Variants in BCL2L13 observed in about 807,000 individuals in gnomAD.
BCL2L13 encodes BCL2 like 13, also known as bcl-2-like protein 13.
A neutral mutation model predicts 25.8 loss-of-function variants in BCL2L13; 13 were observed. The observed-to-expected ratio is 0.50, with a 90% CI of 0.33 to 0.80. The LOEUF (loss-of-function observed/expected upper bound fraction) is 0.80. BCL2L13 is among the 30% of genes least tolerant of loss of function. The probability of loss-of-function intolerance (pLI) is 0.02; values close to 1 mark genes in which losing one functional copy is unlikely to be tolerated. For synonymous variants in BCL2L13, 244 were observed against 230.3 expected, an observed-to-expected ratio of 1.06 and a Z score of -0.54; for missense variants, 504 against 574.9, an observed-to-expected ratio of 0.88 and a Z score of 1.26.
chr22:17,641,990 G>A (rs1420580334), intron 1 of BCL2L13, among the ~76,000 whole-genome samples: 3 of 151,370 alleles, frequency 2.0e-5, no homozygotes, highest in Non-Finnish European at 4.4e-5. Flanking sequence ...TAGTAAAGAC[G>A]GGGTTTCACT....
intron 4 of BCL2L13, 31 bp from the exon 5 acceptor site, chr22:17,696,110 G>A (rs775258647): frequency 1.3e-6 from 2 of 1,567,730 alleles, no homozygotes; most frequent in South Asian, 2.2e-5. Flanking sequence ...TTCCTTCTTT[G>A]TGACACAGAC....
chr22:17,673,716 A>G (rs555832652), intron 2 of BCL2L13, among the ~76,000 whole-genome samples: 3 of 152,182 alleles, frequency 2.0e-5, no homozygotes, highest in South Asian at 2.1e-4. Context: ...TGTCCTCAAA[A>G]TATACTGATA....
chr22:17,704,527 G>C (rs756358583), intron 6 of BCL2L13, among the ~76,000 whole-genome samples: 6 of 151,762 alleles, frequency 4.0e-5, no homozygotes, highest in Non-Finnish European at 8.8e-5. Context: ...TATAATCCCA[G>C]CACTTTGGGA....
At chr22:17,651,399 T>C (rs62240472) in intron 1 of BCL2L13, among the ~76,000 whole-genome samples, 1 of 128,862 alleles carries the variant, frequency 7.8e-6, no homozygotes, top group East Asian at 2.4e-4. Flanking sequence ...ATTTATTTAT[T>C]TGAGACGGAG....
chr22:17,681,813 G>T (rs147002973), intron 2 of BCL2L13, among the ~76,000 whole-genome samples: 257 of 152,290 alleles, frequency 1.7e-3, no homozygotes, highest in Non-Finnish European at 3.0e-3. Flanking sequence ...AAAGTTGACT[G>T]CCTGGGTTTG....
chr22:17,709,900 G>C (rs543668105), intron 6 of BCL2L13, among the ~76,000 whole-genome samples: 9 of 151,422 alleles, frequency 5.9e-5, no homozygotes, highest in Non-Finnish European at 1.2e-4. Flanking sequence ...CATGGTGAGT[G>C]AGAGCCCATC....
At position 17,677,060 on chromosome 22, in the gene BCL2L13, T is replaced by C. The variant is rs901274477; in HGVS notation, c.122-6154T>C. ...ATCCTTTGTGTTACATTTCAACTTT[T>C]AAGGATTCTGGCACTTAGGGAGGCA... On this transcript the variant is annotated intron_variant, in intron 2 of 6. Coordinates refer to ENST00000317582, the MANE Select transcript of BCL2L13 (RefSeq NM_015367.4). Among the ~76,000 whole-genome samples the C allele has an allele frequency of 2.6e-5, 4 of 152,200 alleles. No individual in the cohort carries two copies. The South Asian group carries it at 8.3e-4, about 31-fold the overall frequency.
chr22:17,650,824 C>T (rs112051305), intron 1 of BCL2L13, among the ~76,000 whole-genome samples: 4 of 151,886 alleles, frequency 2.6e-5, no homozygotes, highest in African/African-American at 4.8e-5. Flanking sequence ...CCTCCCATCT[C>T]GGCCTCCCAA....
intron 2 of BCL2L13, among the ~76,000 whole-genome samples, chr22:17,657,724 G>T (rs1008028958): frequency 4.0e-5 from 6 of 150,852 alleles, no homozygotes; most frequent in African/African-American, 1.5e-4. Flanking sequence ...CACTCTGTTA[G>T]CCAGGATGGT....
intron 2 of BCL2L13, among the ~76,000 whole-genome samples, chr22:17,668,044 T>G (rs949509036): frequency 2.7e-5 from 4 of 146,826 alleles, no homozygotes; most frequent in Non-Finnish European, 4.5e-5. Context: ...ACAGTCTCGC[T>G]CTGTCGCCCA....
chr22:17,657,823 C>CTTTTT (rs71201859), intron 2 of BCL2L13, among the ~76,000 whole-genome samples: 877 of 85,730 alleles, frequency 0.01, 90 homozygotes, highest in East Asian at 0.036. Context: ...GTTGACATTT[C>CTTTTT]TTTTTTTTTT....
At chr22:17,639,358 A>C (rs1205603663) in intron 1 of BCL2L13, among the ~76,000 whole-genome samples, 2 of 152,208 alleles carry the variant, frequency 1.3e-5, no homozygotes, top group African/African-American at 4.8e-5. Context: ...TTGTTTCTTA[A>C]CCTTAATTCA....
At chr22:17,693,372 G>GTTTGGTTTTTTTTTTTT (rs1284865411) in intron 4 of BCL2L13, among the ~76,000 whole-genome samples, 1 of 70,612 alleles carries the variant, frequency 1.4e-5, no homozygotes, top group African/African-American at 5.2e-5. Context: ...TTTAGTGTTT[G>GTTTGGTTTTTTTTTTTT]TTTTTTTTTT....
intron 2 of BCL2L13, among the ~76,000 whole-genome samples, chr22:17,681,708 G>T (rs1209216494): frequency 6.6e-6 from 1 of 152,074 alleles, no homozygotes. Flanking sequence ...TGTCATAGAG[G>T]CAGGCTTGGA....
At chr22:17,630,169 A>T (rs899589277) in intron 1 of BCL2L13, among the ~76,000 whole-genome samples, 1 of 148,226 alleles carries the variant, frequency 6.7e-6, no homozygotes, top group East Asian at 2.0e-4. Flanking sequence ...GTGAGCCAAG[A>T]TCGTGCCACT....
intron 1 of BCL2L13, among the ~76,000 whole-genome samples, chr22:17,646,247 T>A (rs576361979): frequency 1.3e-5 from 2 of 151,586 alleles, no homozygotes; most frequent in East Asian, 3.9e-4. Context: ...TAGCAGGTTT[T>A]TTGTTTGTTT....
chr22:17,718,882 G>A (rs1243127867), intron 6 of BCL2L13, among the ~76,000 whole-genome samples: 1 of 152,018 alleles, frequency 6.6e-6, no homozygotes, highest in African/African-American at 2.4e-5. Context: ...AACGCGGTCA[G>A]GTGTGGTGGC....
rs539190191 is a variant in BCL2L13, at chr22:17,645,441, C to CT, written c.-51+6556dup. Among the ~76,000 whole-genome samples, 260 of 151,082 alleles carry CT rather than the reference C, an allele frequency of 1.7e-3. 12 individuals are homozygous for CT. The highest frequency in any genetic ancestry group is 6.1e-3 in the African/African-American group (248 of 40,554). ...TTCACCATGTTGGCCAGGCTGGTCT[C>CT]TAACTCCTGGCCTCAAGTAATCCAC... On this transcript the variant is annotated intron_variant, in intron 1 of 6. Coordinates refer to ENST00000317582, the MANE Select transcript of BCL2L13 (RefSeq NM_015367.4).
At chr22:17,683,432 A>G (rs2059814502) in intron 3 of BCL2L13, 111 bp downstream of exon 3, 1 of 611,654 alleles carries the variant, frequency 1.6e-6, no homozygotes, top group African/African-American at 1.9e-5. Context: ...AACAACTTAC[A>G]CCAATTATAC....
Sources: allele counts gnomAD v4.1 joint callset (sites outside exome capture counted in the v4.1 genomes callset), GRCh38; gene constraint gnomAD v4.1.1; transcripts MANE v1.5; gene names NCBI Gene and HGNC (gene_info 2026-07-23, HGNC 2026-07-21).